ABCA1: variants seen among roughly 807,000 people sequenced by gnomAD.
ABCA1 encodes phospholipid-transporting ATPase ABCA1.
ABCA1 carries 133 observed loss-of-function variants against 262.5 expected under a neutral mutation model. The observed-to-expected ratio is 0.51, with a 90% confidence interval of 0.44 to 0.59. The LOEUF is 0.59. Among genes scored for constraint, ABCA1 ranks in the 20% least tolerant of loss-of-function variants. The pLI is 0.00. For synonymous variants in ABCA1, 1,022 were observed against 1,043.5 expected, an observed-to-expected ratio of 0.98 and a Z score of 0.40; for missense variants, 2,452 against 2,777.5, an observed-to-expected ratio of 0.88 and a Z score of 2.63.
intron 11 of ABCA1, among the ~76,000 whole-genome samples, chr9:104,836,688 T>G (rs1221665632): frequency 5.9e-5 from 9 of 152,030 alleles, no homozygotes; most frequent in Non-Finnish European, 1.0e-4. Context: ...AAAAGGAAAA[T>G]AGGGTACTGC....
chr9:104,865,519 A>G (rs1402196022), intron 5 of ABCA1, among the ~76,000 whole-genome samples: 1 of 151,500 alleles, frequency 6.6e-6, no homozygotes, highest in East Asian at 1.9e-4. Flanking sequence ...CTGTCTCAAA[A>G]AAAAAAAAAA....
rs755905356 is a variant in ABCA1 at position 104,796,216 on chromosome 9, A to G, written c.5238-19T>C. On this transcript the variant is annotated intron_variant, in intron 38 of 49. Coordinates refer to ENST00000374736, the MANE Select transcript of ABCA1 (RefSeq NM_005502.4). ...TGACCACCTGTTGAGACACAAAAAGATAAGTGTCTACTGAGAGTCCCTGCC... is the reference window on the plus strand; with the variant it reads ...TGACCACCTGTTGAGACACAAAAAGGTAAGTGTCTACTGAGAGTCCCTGCC... 5.6e-6 allele frequency: 9 copies of G among 1,614,176 alleles called. No individual in the cohort carries two copies. The East Asian group carries it at 1.6e-4, about 28-fold the overall frequency.
At chr9:104,885,273 T>A (rs1839062029) in intron 3 of ABCA1, among the ~76,000 whole-genome samples, 1 of 152,090 alleles carries the variant, frequency 6.6e-6, no homozygotes, top group South Asian at 2.1e-4. Flanking sequence ...ATAAAGTGAC[T>A]GACAAAGAAC....
At position 104,785,593 on chromosome 9, in the gene ABCA1, G is replaced by T; in HGVS notation, c.6448C>A (p.Pro2150Thr). The T allele has an allele frequency of 6.2e-7, 1 of 1,614,108 alleles. No individual in the cohort carries two copies. ...TIVVRIAGSN[P>T]DLKPVQDFFG... ...AAATCCTGGACAGGCTTCAGGTCCG[G>T]GTTGGACCCTGCTATTCGTACAACT... Residue 2150 changes from proline to threonine, a missense_variant, in exon 49 of 50, where the codon CCG becomes ACG. This residue lies in a region of ABCA1 where 752 missense variants were observed against 944.5 expected (regional missense o/e 0.80). Transcript: ENST00000374736.
chr9:104,824,553 C>G lies in ABCA1; in HGVS notation c.2568G>C (p.Trp856Cys), dbSNP rs1167873311. 1.2e-6 allele frequency: 2 copies of G among 1,613,802 alleles called. No homozygotes were observed. Among genetic ancestry groups the G allele is most frequent in the Non-Finnish European group, 1.7e-6 (2 of 1,180,030 alleles). Residue 856 changes from tryptophan (W) to cysteine (C), a missense_variant, in exon 18 of 50, where the codon TGG (tryptophan) becomes TGC (cysteine). Trp to Cys is a radical substitution (Grantham distance 215). Transcript: ENST00000374736. ...AGTAGGACTTGGTGCAAGGAAAATA[C>G]CAGGGCCTGGGAATTCCGTACTGGC... ...FPGQYGIPRPWYFPCTKSYWF... is the reference protein window; with the variant it reads ...FPGQYGIPRPCYFPCTKSYWF...
At chr9:104,883,979 T>C (rs3904998) in intron 4 of ABCA1, among the ~76,000 whole-genome samples, 30,503 of 152,126 alleles carry the variant, frequency 0.2, 3,174 homozygotes, top group South Asian at 0.32. Context: ...TGTAGTCTGA[T>C]GGGGCAGTGA....
At position 104,814,493 on chromosome 9, in the gene ABCA1, T is replaced by G; in HGVS notation, c.3739-18A>C. 1.9e-6 allele frequency: 3 copies of G among 1,613,228 alleles called. No homozygotes were observed. The highest frequency in any genetic ancestry group is 2.5e-6 in the Non-Finnish European group (3 of 1,179,202). On this transcript the variant is annotated intron_variant, in intron 25 of 49. Transcript: ENST00000374736. ...AGGAATATCTGGAAAATGAGAGAGA[T>G]GAGAACATTATAAGCACCAACATTA...
At chr9:104,915,781 T>C (rs938704326) in intron 1 of ABCA1, among the ~76,000 whole-genome samples, 2 of 152,188 alleles carry the variant, frequency 1.3e-5, no homozygotes, top group African/African-American at 4.8e-5. Context: ...ACTGTAGTTT[T>C]GAAAAATTCA....
chr9:104,902,776 T>C (rs1484305365), intron 2 of ABCA1, among the ~76,000 whole-genome samples: 3 of 152,154 alleles, frequency 2.0e-5, no homozygotes, highest in African/African-American at 7.2e-5. Context: ...TTATAGCCCT[T>C]TGAATCTCAG....
rs954094495 is a variant in ABCA1, at chr9:104,783,310, A to C, written c.*1005T>G. ...AACATTTTTGTCAAAATACAACTCC[A>C]TCTTTTCATTTTCTAGATTAATTCA... On this transcript the variant is annotated 3_prime_UTR_variant, in exon 50 of 50. Coordinates refer to ENST00000374736, the MANE Select transcript of ABCA1 (RefSeq NM_005502.4). 2.0e-5 allele frequency: 3 copies of C among 152,218 alleles called. No homozygotes were observed. The highest frequency in any genetic ancestry group is 7.2e-5 in the African/African-American group (3 of 41,454). 9.4% of individuals were successfully genotyped at this position (152,218 alleles called of 1,614,324 possible).
chr9:104,814,050 A>C, intron 27 of ABCA1, 68 bp downstream of exon 27: 4 of 1,512,754 alleles, frequency 2.6e-6, no homozygotes, highest in Non-Finnish European at 3.7e-6. Context: ...CAAAGAAAAC[A>C]GGTGAGAGCA....
chr9:104,852,962 G>C (rs932648970), intron 7 of ABCA1, among the ~76,000 whole-genome samples: 6 of 152,142 alleles, frequency 3.9e-5, no homozygotes, highest in Non-Finnish European at 7.3e-5. Context: ...CTGTATTCTG[G>C]GTCCTTGTCT....
chr9:104,816,664 T>C (rs1273441262), intron 24 of ABCA1, among the ~76,000 whole-genome samples: 1 of 151,450 alleles, frequency 6.6e-6, no homozygotes, highest in Non-Finnish European at 1.5e-5. Flanking sequence ...GGTGGATGGG[T>C]GAATGGATAA....
At chr9:104,860,268 C>T (rs1234161429) in intron 6 of ABCA1, among the ~76,000 whole-genome samples, 2 of 152,070 alleles carry the variant, frequency 1.3e-5, no homozygotes, top group South Asian at 2.1e-4. Flanking sequence ...GCTTAGGATG[C>T]CCCTTATTTT....
chr9:104,787,530 T>C (rs1829034115), intron 46 of ABCA1, among the ~76,000 whole-genome samples: 1 of 152,248 alleles, frequency 6.6e-6, no homozygotes, highest in Non-Finnish European at 1.5e-5. Context: ...CAGTCTGATC[T>C]GTTTTTCATC....
intron 20 of ABCA1, among the ~76,000 whole-genome samples, chr9:104,820,815 A>G (rs1832262186): frequency 6.6e-6 from 1 of 152,122 alleles, no homozygotes; most frequent in Admixed American, 6.5e-5. Context: ...ATGGGAAGCA[A>G]TGTTTCCCAA....
chr9:104,883,231 C>T, intron 4 of ABCA1, 74 bp from the exon 5 acceptor site: 1 of 1,319,754 alleles, frequency 7.6e-7, no homozygotes, highest in Non-Finnish European at 1.1e-6. Context: ...GAAGTGACTG[C>T]CAAGTGCATA....
intron 5 of ABCA1, among the ~76,000 whole-genome samples, chr9:104,866,368 C>T (rs1564206339): frequency 6.6e-6 from 1 of 152,094 alleles, no homozygotes; most frequent in Non-Finnish European, 1.5e-5. Context: ...ATGTCTGAAA[C>T]ATACCTTCTC....
At chr9:104,926,462 CAAAAAAACAAAAAA>C (rs1467790550) in intron 1 of ABCA1, among the ~76,000 whole-genome samples, 4 of 106,514 alleles carry the variant, frequency 3.8e-5, no homozygotes, top group South Asian at 2.9e-4. Flanking sequence ...AAAAAAAAAC[CAAAAAAACAAAAAA>C]AAAAAAACAA....
Sources: gnomAD v4.1 joint callset for allele counts (sites outside exome capture counted in the v4.1 genomes callset) on GRCh38, gnomAD v4.1.1 for gene constraint, gnomAD v4.1.1 regional missense constraint, MANE v1.5 for transcripts, NCBI Gene and HGNC (gene_info 2026-07-23, HGNC 2026-07-21) for gene names.